The following AK4 variants were observed in gnomAD, a reference collection of about 807,000 sequenced individuals.
AK4 encodes adenylate kinase 4, also known as adenylate kinase 4, mitochondrial.
Under a neutral mutation model 24.6 loss-of-function variants are expected in AK4, and 13 were observed. The observed-to-expected ratio is 0.53, with a 90% CI of 0.34 to 0.84. AK4 has a LOEUF of 0.84. Among genes scored for constraint, AK4 ranks in the 40% least tolerant of loss-of-function variants. The pLI, the probability that AK4 is intolerant of heterozygous loss-of-function variation, is 0.01. For missense variants in AK4, 192 were observed against 288.2 expected (o/e 0.67, Z 2.42); for synonymous variants, 88 against 107.0 (o/e 0.82, Z 1.10).
intron 2 of AK4, among the ~76,000 whole-genome samples, chr1:65,200,130 T>C (rs1430853360): frequency 6.6e-6 from 1 of 151,998 alleles, no homozygotes; most frequent in African/African-American, 2.4e-5. Context: ...TTTGTTTTGT[T>C]TTGTCAGAAT....
At position 65,226,149 on chromosome 1, in the gene AK4, C is replaced by T. The variant is rs1457576948; in HGVS notation, c.644C>T (p.Thr215Ile). Reference protein sequence around the residue: ...YVYTLFSNKITPIQSKEAY With the variant: ...YVYTLFSNKIIPIQSKEAY ...TACACACTTTTCTCAAACAAGATCA[C>T]ACCTATTCAGTCCAAAGAAGCATAT... Residue 215 changes from threonine (T) to isoleucine (I), a missense_variant, in exon 5 of 5, where the codon ACA becomes ATA. Thr to Ile is a moderately conservative substitution (Grantham distance 89). Transcript: ENST00000327299. 3.1e-6 allele frequency: 5 copies of T among 1,610,384 alleles called. No homozygotes were observed. The highest frequency in any genetic ancestry group is 4.2e-6 in the Non-Finnish European group (5 of 1,178,992).
intron 2 of AK4, among the ~76,000 whole-genome samples, chr1:65,194,268 C>G (rs1359681264): frequency 6.6e-6 from 1 of 152,194 alleles, no homozygotes; most frequent in Non-Finnish European, 1.5e-5. Flanking sequence ...ACCACATATC[C>G]TAGTTCATTG....
chr1:65,172,103 A>ATTTT (rs143649603), intron 1 of AK4, among the ~76,000 whole-genome samples: 1 of 115,500 alleles, frequency 8.7e-6, no homozygotes, highest in Admixed American at 9.1e-5. Flanking sequence ...ATATATATAT[A>ATTTT]TTTAAACTCA....
intron 1 of AK4, among the ~76,000 whole-genome samples, chr1:65,160,252 A>G (rs1650117162): frequency 6.6e-6 from 1 of 152,150 alleles, no homozygotes; most frequent in Admixed American, 6.5e-5. Context: ...TAAACAACAG[A>G]AATGTATTTC....
intron 2 of AK4, among the ~76,000 whole-genome samples, chr1:65,191,246 T>C (rs1651296042): frequency 6.6e-6 from 1 of 152,168 alleles, no homozygotes; most frequent in African/African-American, 2.4e-5. Flanking sequence ...AGGAAACAAA[T>C]ACTGTTGAAA....
chr1:65,210,390 A>G (rs754647733), intron 2 of AK4, among the ~76,000 whole-genome samples: 6 of 151,980 alleles, frequency 3.9e-5, no homozygotes, highest in Non-Finnish European at 8.8e-5. Flanking sequence ...TTTCTTTTAT[A>G]TCCGCTTCGG....
rs985524966 is a variant in AK4, at chr1:65,231,304, T to A, written c.*5127T>A. 7 of 152,292 alleles carry A rather than the reference T, an allele frequency of 4.6e-5. No homozygotes were observed. The highest frequency in any genetic ancestry group is 4.6e-4 in the Admixed American group (7 of 15,290). The allele number at this position is 152,292 out of a possible 1,614,324, so 9.4% of individuals were successfully genotyped here. Reference sequence around the variant, plus strand: ...GCCAGAATAAATGCCATTATCTGTATGTTTCAGGGAGTTCCCCAATTTGAT... The same window carrying A: ...GCCAGAATAAATGCCATTATCTGTAAGTTTCAGGGAGTTCCCCAATTTGAT... On this transcript the variant is annotated 3_prime_UTR_variant, in exon 5 of 5. Transcript: ENST00000327299.
chr1:65,154,522 A>G, intron 1 of AK4: 1 of 526,978 alleles, frequency 1.9e-6, no homozygotes, highest in Non-Finnish European at 3.8e-6. Context: ...CTGAAAATTC[A>G]GCCAGGGTTC....
At position 65,154,707 on chromosome 1, in the gene AK4, T is replaced by C. The variant is rs978966618; in HGVS notation, c.145+6155T>C. The C allele has an allele frequency of 5.0e-5, 15 of 302,064 alleles. 1 individual carries two copies. Among genetic ancestry groups the C allele is most frequent in the South Asian group, 4.6e-4 (15 of 32,338 alleles). The allele number at this position is 302,064 out of a possible 1,614,324, so 18.7% of individuals were successfully genotyped here. On this transcript the variant is annotated intron_variant, in intron 1 of 4. Coordinates refer to ENST00000327299, the MANE Select transcript of AK4 (RefSeq NM_013410.4). ...TCTACCCAATACAAAACCACGATAG[T>C]TCTTTGTACATAAAATAAACATTCA...
At chr1:65,206,422 C>T (rs146103630) in intron 2 of AK4, among the ~76,000 whole-genome samples, 59 of 152,260 alleles carry the variant, frequency 3.9e-4, no homozygotes, top group African/African-American at 1.4e-3. Context: ...ACCGGTTTTC[C>T]CCTAATTTGT....
At chr1:65,161,609 C>T (rs1650167944) in intron 1 of AK4, among the ~76,000 whole-genome samples, 1 of 152,184 alleles carries the variant, frequency 6.6e-6, no homozygotes. Flanking sequence ...TTCTCTCATA[C>T]CCATTGGTAC....
At chr1:65,162,706 T>C (rs1440188611) in intron 1 of AK4, among the ~76,000 whole-genome samples, 1 of 151,670 alleles carries the variant, frequency 6.6e-6, no homozygotes, top group African/African-American at 2.4e-5. Flanking sequence ...AATCAGAGGT[T>C]TTCCTATATT....
chr1:65,185,065 T>A (rs1352986024), intron 1 of AK4, among the ~76,000 whole-genome samples: 1 of 152,204 alleles, frequency 6.6e-6, no homozygotes, highest in Non-Finnish European at 1.5e-5. Context: ...TGTGTTGAAT[T>A]AACTCAAGGT....
intron 2 of AK4, among the ~76,000 whole-genome samples, chr1:65,198,790 G>A (rs2101052711): frequency 6.6e-6 from 1 of 151,914 alleles, no homozygotes; most frequent in African/African-American, 2.4e-5. Flanking sequence ...CTGATTTGAG[G>A]AGACAGTTGG....
At chr1:65,152,346 CTCTCTCTCTCTCTCTATA>C (rs1274636930) in intron 1 of AK4, among the ~76,000 whole-genome samples, 79 of 44,086 alleles carry the variant, frequency 1.8e-3, no homozygotes, top group Middle Eastern at 6.8e-3. Context: ...CTCTCTCTCT[CTCTCTCTCTCTCTCTATA>C]TATATATATA....
chr1:65,197,470 G>A (rs926229788), intron 2 of AK4, among the ~76,000 whole-genome samples: 1 of 152,154 alleles, frequency 6.6e-6, no homozygotes, highest in East Asian at 1.9e-4. Context: ...CCTTTAGCAC[G>A]AGAGTCATCA....
chr1:65,168,837 A>G (rs919883606), intron 1 of AK4, among the ~76,000 whole-genome samples: 3 of 152,170 alleles, frequency 2.0e-5, no homozygotes, highest in Admixed American at 1.3e-4. Flanking sequence ...ATGGCTATCT[A>G]AAATTAATGG....
intron 1 of AK4, among the ~76,000 whole-genome samples, chr1:65,169,188 A>G (rs577896236): frequency 3.9e-5 from 6 of 151,936 alleles, no homozygotes; most frequent in South Asian, 2.1e-4. Context: ...AAAAAAAAAA[A>G]AAAAGAAAAA....
chr1:65,155,757 C>T (rs1420651414), intron 1 of AK4, among the ~76,000 whole-genome samples: 1 of 151,940 alleles, frequency 6.6e-6, no homozygotes, highest in Admixed American at 6.6e-5. Context: ...GCAACCTCCA[C>T]CTCCCGGGTT....
Sources: gnomAD v4.1 joint callset for allele counts (sites outside exome capture counted in the v4.1 genomes callset) on GRCh38, gnomAD v4.1.1 for gene constraint, MANE v1.5 for transcripts, NCBI Gene and HGNC (gene_info 2026-07-23, HGNC 2026-07-21) for gene names.